The following CACNA1C variants were observed in gnomAD, a reference collection of about 807,000 sequenced individuals.
CACNA1C encodes voltage-dependent L-type calcium channel subunit alpha-1C.
CACNA1C carries 30 observed loss-of-function variants against 229.0 expected under a neutral mutation model. The observed-to-expected ratio is 0.13, with a 90% CI of 0.10 to 0.18. The LOEUF (loss-of-function observed/expected upper bound fraction) is 0.18. Among genes scored for constraint, CACNA1C ranks in the 10% least tolerant of loss-of-function variants. The pLI is 1.00. For synonymous variants in CACNA1C, 1,114 were observed against 1,132.5 expected (o/e 0.98, Z 0.33); for missense variants, 1,658 against 2,845.0 (o/e 0.58, Z 9.49).
chr12:2,601,803 G>T lies in CACNA1C; in HGVS notation c.2854-51G>T. ...GGAAGGGGTGGTGTGAGGGGTCTCT[G>T]GGCTAGGGCTAGGGCCACTCACACT... On this transcript the variant is annotated intron_variant, in intron 21 of 46. Transcript: ENST00000399655. The surrounding 1 kb of genome is among the most constrained non-coding windows in gnomAD (Gnocchi z 5.9). 8.2e-7 allele frequency: 1 copy of T among 1,218,268 alleles called. No homozygotes were observed. The highest frequency in any genetic ancestry group is 1.2e-6 in the Non-Finnish European group (1 of 819,044). 75.5% of individuals were successfully genotyped at this position (1,218,268 alleles called of 1,614,324 possible).
chr12:2,577,946 G>A (rs894374976), intron 13 of CACNA1C, among the ~76,000 whole-genome samples: 1 of 150,198 alleles, frequency 6.7e-6, no homozygotes, highest in African/African-American at 2.5e-5. Context: ...TCGGCTCACT[G>A]CAAGCTCCGC....
intron 30 of CACNA1C, among the ~76,000 whole-genome samples, chr12:2,638,037 G>A (rs564364791): frequency 2.6e-5 from 4 of 152,150 alleles, no homozygotes; most frequent in African/African-American, 4.8e-5. Context: ...CTTCCTATAC[G>A]TCAGGCACCG....
chr12:2,390,798 C>A (rs1056490966), intron 3 of CACNA1C, among the ~76,000 whole-genome samples: 12 of 152,186 alleles, frequency 7.9e-5, no homozygotes, highest in Non-Finnish European at 1.6e-4. Flanking sequence ...AGGACCCATT[C>A]ACCTTCTGGA....
At chr12:2,684,892 G>A (rs1030734181) in intron 43 of CACNA1C, among the ~76,000 whole-genome samples, 1 of 152,194 alleles carries the variant, frequency 6.6e-6, no homozygotes, top group African/African-American at 2.4e-5. Flanking sequence ...TGTACCATGA[G>A]CAGGCATGGA....
chr12:2,059,852 C>A (rs953599678), intron 1 of CACNA1C, among the ~76,000 whole-genome samples: 1 of 151,990 alleles, frequency 6.6e-6, no homozygotes, highest in African/African-American at 2.4e-5. Flanking sequence ...TGGTGCTGGC[C>A]CCCTGAGAGA....
chr12:2,362,416 C>T (rs1567245831), intron 3 of CACNA1C, among the ~76,000 whole-genome samples: 1 of 152,216 alleles, frequency 6.6e-6, no homozygotes, highest in Non-Finnish European at 1.5e-5. Context: ...TTCTCCTTTA[C>T]TCCTTCTGAA....
chr12:2,634,958 C>T, intron 30 of CACNA1C, among the ~76,000 whole-genome samples: 1 of 152,200 alleles, frequency 6.6e-6, no homozygotes, highest in Middle Eastern at 3.2e-3. Context: ...TTTCATTTAA[C>T]ATCAGCAGCC....
intron 1 of CACNA1C, among the ~76,000 whole-genome samples, chr12:2,000,046 T>G (rs1593393437): frequency 6.6e-6 from 1 of 152,198 alleles, no homozygotes; most frequent in East Asian, 1.9e-4. Context: ...AAGAATTACT[T>G]ACACCCAAAC....
At chr12:2,028,034 C>A (rs1004254610) in intron 1 of CACNA1C, among the ~76,000 whole-genome samples, 4 of 152,196 alleles carry the variant, frequency 2.6e-5, no homozygotes, top group Non-Finnish European at 5.9e-5. Context: ...CCTTCGCCTC[C>A]TCTGCACAAA....
At chr12:2,159,210 T>C (rs550826738) in intron 3 of CACNA1C, among the ~76,000 whole-genome samples, 3 of 152,234 alleles carry the variant, frequency 2.0e-5, no homozygotes, top group South Asian at 2.1e-4. Context: ...ATTATGTGTA[T>C]AGGCCGGGCA....
intron 13 of CACNA1C, among the ~76,000 whole-genome samples, chr12:2,573,476 T>C (rs527805004): frequency 6.6e-6 from 1 of 152,356 alleles, no homozygotes; most frequent in Non-Finnish European, 1.5e-5. Context: ...CCTACACATC[T>C]GTGTATGTTT....
chr12:2,252,682 G>T (rs1195702772), intron 3 of CACNA1C, among the ~76,000 whole-genome samples: 2 of 152,180 alleles, frequency 1.3e-5, no homozygotes, highest in African/African-American at 4.8e-5. Context: ...GCAAATTCCA[G>T]ATCAGATGAA....
At chr12:2,472,172 T>C (rs2099596992) in intron 5 of CACNA1C, among the ~76,000 whole-genome samples, 1 of 152,178 alleles carries the variant, frequency 6.6e-6, no homozygotes, top group African/African-American at 2.4e-5. Context: ...TTCGGGACTT[T>C]TGGGGCCATC....
At chr12:2,579,880 C>T (rs1213071528) in intron 13 of CACNA1C, among the ~76,000 whole-genome samples, 2 of 152,224 alleles carry the variant, frequency 1.3e-5, no homozygotes, top group African/African-American at 4.8e-5. Flanking sequence ...GCATGAGCCA[C>T]CACCATGCCC....
rs181344426 is a variant in CACNA1C, at chr12:2,272,973, A to G, written c.477+152543A>G. 1.6e-4 allele frequency among the ~76,000 whole-genome samples: 25 copies of G among 152,352 alleles called. No individual in the cohort carries two copies. In the East Asian group the frequency reaches 4.8e-3, roughly 29 times the overall value. ...ACAGTTTAATTTTGTCCGCGTTAGA[A>G]GGTCCCAGTGATATCTTTGCTTCTT... is the stretch of plus-strand genomic sequence containing the variant. On this transcript the variant is annotated intron_variant, in intron 3 of 46. Transcript: ENST00000399655.
At chr12:2,427,529 C>T (rs35523128) in intron 3 of CACNA1C, among the ~76,000 whole-genome samples, 73,988 of 136,004 alleles carry the variant, frequency 0.54, 18,428 homozygotes, top group African/African-American at 0.63. Flanking sequence ...GCTACCGACC[C>T]ACACATCAAG....
At chr12:2,686,337 C>T (rs1375584432) in intron 45 of CACNA1C, 68 bp downstream of exon 45, 3 of 1,238,498 alleles carry the variant, frequency 2.4e-6, no homozygotes, top group African/African-American at 3.0e-5. Context: ...GGGTGACGGA[C>T]AAATCCTGAA....
At chr12:2,531,415 T>C (rs913501606) in intron 9 of CACNA1C, among the ~76,000 whole-genome samples, 2 of 152,172 alleles carry the variant, frequency 1.3e-5, no homozygotes, top group African/African-American at 4.8e-5. Flanking sequence ...AAACAACCCT[T>C]TCCTCTCTGG....
In CACNA1C at chr12:2,136,552, TAGAG is replaced by T. The variant is rs2093520480; in HGVS notation, c.477+16123_477+16126del. ...ATGCCTTAATTATCAGGCCTTCAAC[TAGAG>T]TTTATGCAGTGTGTGCGCTTCTGTC... On this transcript the variant is annotated intron_variant, in intron 3 of 46. Transcript: ENST00000399655. 1.3e-5 allele frequency among the ~76,000 whole-genome samples: 2 copies of T among 151,224 alleles called. 1 individual carries two copies. Among genetic ancestry groups the T allele is most frequent in the Admixed American group, 1.3e-4 (2 of 15,064 alleles).
Sources: allele counts gnomAD v4.1 joint callset (sites outside exome capture counted in the v4.1 genomes callset), GRCh38; gene constraint gnomAD v4.1.1; non-coding constraint Gnocchi (gnomAD v3.1); transcripts MANE v1.5; gene names NCBI Gene and HGNC (gene_info 2026-07-23, HGNC 2026-07-21).